The following LMO3 variants were observed in gnomAD, a reference collection of about 807,000 sequenced individuals.
LMO3 encodes the protein LIM domain only 3.
In LMO3, 2 loss-of-function variants were observed where a neutral mutation model predicts 15.8. The observed-to-expected ratio is 0.13, with a 90% CI of 0.05 to 0.40. The LOEUF (loss-of-function observed/expected upper bound fraction) is 0.40, where lower values mean the gene tolerates loss of function less well. LMO3 is among the 10% of genes least tolerant of loss of function. LMO3 has a pLI of 0.99. For missense variants in LMO3, 86 were observed against 182.2 expected (o/e 0.47, Z 3.04); for synonymous variants, 62 against 63.8 (o/e 0.97, Z 0.13).
chr12:16,561,091 G>A (rs1449984876), intron 2 of LMO3, among the ~76,000 whole-genome samples: 1 of 152,058 alleles, frequency 6.6e-6, no homozygotes, highest in Non-Finnish European at 1.5e-5. Flanking sequence ...TGTTATTCAA[G>A]TAGCACATTA....
chr12:16,570,279 T>C (rs1308391814), intron 2 of LMO3, among the ~76,000 whole-genome samples: 1 of 152,184 alleles, frequency 6.6e-6, no homozygotes, highest in Non-Finnish European at 1.5e-5. Context: ...TTGATATCTT[T>C]ACAGACTTCT....
chr12:16,595,581 GCTT>G (rs897089777), intron 2 of LMO3, among the ~76,000 whole-genome samples: 2 of 151,252 alleles, frequency 1.3e-5, no homozygotes, highest in African/African-American at 4.8e-5. Context: ...ATTCAATAAT[GCTT>G]CTTCTACAAT....
intron 2 of LMO3, among the ~76,000 whole-genome samples, chr12:16,588,612 A>G (rs1387306968): frequency 6.6e-6 from 1 of 152,134 alleles, no homozygotes; most frequent in Non-Finnish European, 1.5e-5. Flanking sequence ...ATCCTAATTT[A>G]TATAAAGCAC....
intron 2 of LMO3, among the ~76,000 whole-genome samples, chr12:16,583,593 T>C (rs1023660762): frequency 2.6e-5 from 4 of 152,004 alleles, no homozygotes; most frequent in African/African-American, 9.7e-5. Flanking sequence ...TAAAGATAAA[T>C]GGAAAAGCAG....
chr12:16,572,722 T>C (rs1283421515), intron 2 of LMO3, among the ~76,000 whole-genome samples: 1 of 148,360 alleles, frequency 6.7e-6, no homozygotes, highest in Admixed American at 6.7e-5. Flanking sequence ...TTAAATATAT[T>C]ATAAACCATA....
At position 16,585,700 on chromosome 12, in the gene LMO3, T is replaced by G. The variant is rs1382289299; in HGVS notation, c.206+14955A>C. ...TGTCAAAACTAATCCTCAGGTGATG[T>G]AAGCAGCTCCAAATATAATAATAGA... On this transcript the variant is annotated intron_variant, in intron 2 of 3. Coordinates refer to ENST00000537304, the MANE Select transcript of LMO3 (RefSeq NM_018640.5). This position sits in a 1 kb window ranked among gnomAD's most constrained non-coding sequence, Gnocchi z 4.7. Among the ~76,000 whole-genome samples the G allele has an allele frequency of 1.3e-5, 2 of 152,208 alleles. No individual in the cohort carries two copies. Among genetic ancestry groups the G allele is most frequent in the Non-Finnish European group, 2.9e-5 (2 of 68,032 alleles).
chr12:16,578,072 T>G (rs1943048494), intron 2 of LMO3, among the ~76,000 whole-genome samples: 1 of 152,100 alleles, frequency 6.6e-6, no homozygotes, highest in Admixed American at 6.6e-5. Context: ...TCATAAGAAA[T>G]ATATTCTGTC....
upstream of LMO3, chr12:16,608,592 C>A (rs1412450517): frequency 1.3e-5 from 2 of 152,060 alleles, no homozygotes; most frequent in South Asian, 2.1e-4. The surrounding 1 kb of genome is among the most constrained non-coding windows in gnomAD (Gnocchi z 4.1). Context: ...GGGACAAACA[C>A]CCAGATCTCT....
In LMO3 at chr12:16,596,135, G is replaced by T. The variant is rs1943647807; in HGVS notation, c.206+4520C>A. Among the ~76,000 whole-genome samples the T allele has an allele frequency of 6.6e-6, 1 of 151,460 alleles. No individual in the cohort carries two copies. The highest frequency in any genetic ancestry group is 2.4e-5 in the African/African-American group (1 of 41,358). ...TCAGCGTGAGATAAAGTTACAGCTA[G>T]ATTTATGCCCTATGTGGCAATTTAT... On this transcript the variant is annotated intron_variant, in intron 2 of 3. Coordinates refer to ENST00000537304, the MANE Select transcript of LMO3 (RefSeq NM_018640.5). This position sits in a 1 kb window ranked among gnomAD's most constrained non-coding sequence, Gnocchi z 4.3.
chr12:16,573,818 CGT>C (rs1942906377), intron 2 of LMO3: 2 of 152,260 alleles, frequency 1.3e-5, no homozygotes, highest in Middle Eastern at 6.8e-3. Context: ...TGCTTTACCA[CGT>C]TAAGTGTCGA....
rs538140761 is a variant in LMO3, at chr12:16,596,001, T to C, written c.206+4654A>G. Among the ~76,000 whole-genome samples, 17 of 151,640 alleles carry C rather than the reference T, an allele frequency of 1.1e-4. 1 individual carries two copies. Among genetic ancestry groups the C allele is most frequent in the Non-Finnish European group, 1.8e-4 (12 of 67,536 alleles). On this transcript the variant is annotated intron_variant, in intron 2 of 3. Transcript: ENST00000537304. The surrounding 1 kb of genome is among the most constrained non-coding windows in gnomAD (Gnocchi z 4.3). Reference sequence around the variant, plus strand: ...ATTAAAAAAGCATCTGTGCTATAAATTGCCAGATAAAATAATATTAACAAC... The same window carrying C: ...ATTAAAAAAGCATCTGTGCTATAAACTGCCAGATAAAATAATATTAACAAC...
intron 1 of LMO3, chr12:16,605,366 A>G (rs765966765): frequency 2.4e-5 from 28 of 1,168,714 alleles, no homozygotes; most frequent in Middle Eastern, 7.2e-4. Flanking sequence ...TTGAATCTCA[A>G]TCTATTAGGA....
intron 1 of LMO3, among the ~76,000 whole-genome samples, chr12:16,601,429 C>G (rs1943820967): frequency 6.6e-6 from 1 of 152,144 alleles, no homozygotes; most frequent in South Asian, 2.1e-4. Flanking sequence ...GCTCACCAAT[C>G]CTATATTTCT....
intron 2 of LMO3, among the ~76,000 whole-genome samples, chr12:16,570,314 T>C (rs1344709172): frequency 6.6e-6 from 1 of 152,152 alleles, no homozygotes. Flanking sequence ...TACCTTCTTT[T>C]CTATCTTTCT....
At chr12:16,577,984 G>T (rs563692777) in intron 2 of LMO3, among the ~76,000 whole-genome samples, 1 of 152,114 alleles carries the variant, frequency 6.6e-6, no homozygotes, top group Non-Finnish European at 1.5e-5. Context: ...ATTTTGTCTG[G>T]CAACACTACA....
At chr12:16,590,028 C>T (rs1286668935) in intron 2 of LMO3, among the ~76,000 whole-genome samples, 2 of 152,080 alleles carry the variant, frequency 1.3e-5, no homozygotes, top group Non-Finnish European at 2.9e-5. Context: ...AGCACATTTG[C>T]ATAGCTTCTT....
intron 2 of LMO3, among the ~76,000 whole-genome samples, chr12:16,565,288 T>G (rs1237814757): frequency 3.9e-5 from 6 of 152,246 alleles, no homozygotes; most frequent in Admixed American, 3.9e-4. Flanking sequence ...TGGGAAGGAA[T>G]GAACATTTTC....
intron 3 of LMO3, among the ~76,000 whole-genome samples, chr12:16,552,494 T>C (rs1313534409): frequency 6.6e-6 from 1 of 152,038 alleles, no homozygotes; most frequent in African/African-American, 2.4e-5. Context: ...TTGCAAAGAT[T>C]GGAATGCTAG....
rs918020140 is a variant in LMO3 at position 16,596,060 on chromosome 12, T to C, written c.206+4595A>G. ...ATTTACCTTTACACTTATAATTATG[T>C]ACCAATATAAAGCTGACCTTACATA... On this transcript the variant is annotated intron_variant, in intron 2 of 3. Coordinates refer to ENST00000537304, the MANE Select transcript of LMO3 (RefSeq NM_018640.5). This position sits in a 1 kb window ranked among gnomAD's most constrained non-coding sequence, Gnocchi z 4.3. Among the ~76,000 whole-genome samples, 2 of 151,570 alleles carry C rather than the reference T, an allele frequency of 1.3e-5. No individual in the cohort carries two copies. The highest frequency in any genetic ancestry group is 3.0e-5 in the Non-Finnish European group (2 of 67,558).
Sources: gnomAD v4.1 joint callset for allele counts (sites outside exome capture counted in the v4.1 genomes callset) on GRCh38, gnomAD v4.1.1 for gene constraint, Gnocchi (gnomAD v3.1) non-coding constraint, MANE v1.5 for transcripts, NCBI Gene and HGNC (gene_info 2026-07-23, HGNC 2026-07-21) for gene names.